Variants in PRKN observed in about 807,000 individuals in gnomAD.
PRKN encodes E3 ubiquitin-protein ligase parkin.
A neutral mutation model predicts 59.5 loss-of-function variants in PRKN; 56 were observed. The ratio of observed to expected loss-of-function variants is 0.94; its 90% CI spans 0.76 to 1.18. The LOEUF is 1.18. PRKN is among the 50% of genes most tolerant of loss of function. PRKN has a pLI of 0.00. For synonymous variants in PRKN, 250 were observed against 222.1 expected, an observed-to-expected ratio of 1.13 and a Z score of -1.12; for missense variants, 657 against 596.4, an observed-to-expected ratio of 1.10 and a Z score of -1.06.
intron 4 of PRKN, among the ~76,000 whole-genome samples, chr6:162,072,923 CA>C (rs1778641084): frequency 6.6e-6 from 1 of 152,110 alleles, no homozygotes; most frequent in Non-Finnish European, 1.5e-5. Context: ...CACAGTAGAA[CA>C]ATATCATCAT....
rs141064599 is a variant in PRKN at position 162,206,174 on chromosome 6, C to T, written c.413-4922G>A. Among the ~76,000 whole-genome samples, 527 of 152,262 alleles carry T rather than the reference C, an allele frequency of 3.5e-3. 3 individuals carry two copies. Among genetic ancestry groups the T allele is most frequent in the African/African-American group, 0.012 (485 of 41,540 alleles). On this transcript the variant is annotated intron_variant, in intron 3 of 11. Transcript: ENST00000366898. ...ACCAAGGGGATCTGTTCTTGAGACG[C>T]ACCTGGACAGCAATGGCTCCATCTC...
chr6:161,617,923 C>T (rs1782755332), intron 7 of PRKN, among the ~76,000 whole-genome samples: 1 of 152,136 alleles, frequency 6.6e-6, no homozygotes, highest in South Asian at 2.1e-4. Context: ...CAATGAATTA[C>T]AACAAAGGAA....
At chr6:161,439,421 T>G (rs958408071) in intron 9 of PRKN, among the ~76,000 whole-genome samples, 1 of 152,092 alleles carries the variant, frequency 6.6e-6, no homozygotes, top group Non-Finnish European at 1.5e-5. Flanking sequence ...GTGGGAGATG[T>G]AGAAATGCAA....
intron 2 of PRKN, among the ~76,000 whole-genome samples, chr6:162,313,581 G>A (rs749561162): frequency 4.6e-5 from 7 of 151,874 alleles, no homozygotes; most frequent in South Asian, 2.1e-4. Flanking sequence ...TCCACCTCCC[G>A]GGTTCAAGCA....
At chr6:161,589,259 G>A (rs535156317) in intron 7 of PRKN, among the ~76,000 whole-genome samples, 23 of 152,190 alleles carry the variant, frequency 1.5e-4, no homozygotes, top group Non-Finnish European at 2.9e-4. Context: ...AGGGTCCACT[G>A]CAGGTCTGCA....
intron 9 of PRKN, among the ~76,000 whole-genome samples, chr6:161,500,774 G>T (rs55694434): frequency 0.037 from 5,664 of 151,730 alleles, 151 homozygotes; most frequent in Non-Finnish European, 0.057. Flanking sequence ...CTGTATGAAG[G>T]TTTAGTTGTA....
At chr6:161,481,762 G>A (rs961196396) in intron 9 of PRKN, among the ~76,000 whole-genome samples, 1 of 152,134 alleles carries the variant, frequency 6.6e-6, no homozygotes, top group Non-Finnish European at 1.5e-5. Flanking sequence ...CACTCTGTTT[G>A]AGCACTTTAT....
chr6:162,302,121 C>T (rs772592269), intron 2 of PRKN, among the ~76,000 whole-genome samples: 4 of 152,072 alleles, frequency 2.6e-5, no homozygotes, highest in East Asian at 1.9e-4. Flanking sequence ...TTACTGATAA[C>T]TCTGTTCAAA....
At chr6:162,657,059 GC>G (rs1778670783) in intron 1 of PRKN, among the ~76,000 whole-genome samples, 1 of 152,176 alleles carries the variant, frequency 6.6e-6, no homozygotes, top group Admixed American at 6.5e-5. Context: ...GAGGACAGGG[GC>G]TAAATATGTG....
At chr6:162,483,802 T>C (rs748383549) in intron 1 of PRKN, among the ~76,000 whole-genome samples, 5 of 152,174 alleles carry the variant, frequency 3.3e-5, no homozygotes, top group Non-Finnish European at 7.3e-5. Flanking sequence ...TGTAGACATA[T>C]GTAAGATGAT....
At chr6:161,739,912 G>C (rs773893990) in intron 7 of PRKN, among the ~76,000 whole-genome samples, 2 of 151,992 alleles carry the variant, frequency 1.3e-5, no homozygotes, top group South Asian at 2.1e-4. Context: ...ACACCACCAC[G>C]CCCAGCTAGT....
At chr6:161,712,878 G>A (rs940707169) in intron 7 of PRKN, among the ~76,000 whole-genome samples, 4 of 152,078 alleles carry the variant, frequency 2.6e-5, no homozygotes, top group Non-Finnish European at 5.9e-5. Context: ...TGGTGGGGGG[G>A]ACTTGCCACA....
In PRKN at chr6:161,360,024, G is replaced by T; in HGVS notation, c.1285+64C>A. The T allele has an allele frequency of 8.3e-7, 1 of 1,206,660 alleles. No individual in the cohort carries two copies. Among genetic ancestry groups the T allele is most frequent in the Non-Finnish European group, 1.2e-6 (1 of 808,524 alleles). 74.7% of individuals were successfully genotyped at this position (1,206,660 alleles called of 1,614,324 possible). A position where few individuals can be genotyped will look rare whatever the true frequency, so the allele number is the denominator to read the frequency against. Reference sequence around the variant, plus strand: ...CATCTCCTTTAATCCTGGAATCCCTGATGGGTATGATTCTCCCCCAAAGAG... The same window carrying T: ...CATCTCCTTTAATCCTGGAATCCCTTATGGGTATGATTCTCCCCCAAAGAG... On this transcript the variant is annotated intron_variant, in intron 11 of 11. Transcript: ENST00000366898. The surrounding 1 kb of genome is among the most constrained non-coding windows in gnomAD (Gnocchi z 5.1).
chr6:162,380,509 G>A lies in PRKN; in HGVS notation c.171+62801C>T, dbSNP rs1326699658. On this transcript the variant is annotated intron_variant, in intron 2 of 11. Coordinates refer to ENST00000366898, the MANE Select transcript of PRKN (RefSeq NM_004562.3). ...TATATATACACACATATATATGTGT[G>A]TATATATATATATATGTATATATAC... Among the ~76,000 whole-genome samples the A allele has an allele frequency of 3.7e-3, 154 of 41,650 alleles. 1 individual carries two copies. Among genetic ancestry groups the A allele is most frequent in the Middle Eastern group, 9.6e-3 (1 of 104 alleles). The allele number at this position is 41,650 out of a possible 152,430, so 27.3% of individuals were successfully genotyped here. A position where few individuals can be genotyped will look rare whatever the true frequency, so the allele number is the denominator to read the frequency against.
At chr6:161,960,113 G>T (rs1336231159) in intron 6 of PRKN, among the ~76,000 whole-genome samples, 1 of 152,150 alleles carries the variant, frequency 6.6e-6, no homozygotes, top group Non-Finnish European at 1.5e-5. Flanking sequence ...GAAAGGGAGG[G>T]CTGTGCTAAC....
At chr6:162,010,135 C>T (rs1782432987) in intron 5 of PRKN, among the ~76,000 whole-genome samples, 1 of 148,412 alleles carries the variant, frequency 6.7e-6, no homozygotes, top group African/African-American at 2.5e-5. Flanking sequence ...ATGTCACTTC[C>T]TCTGGCTCGT....
chr6:162,230,654 A>T (rs1489850634), intron 3 of PRKN, among the ~76,000 whole-genome samples: 1 of 152,192 alleles, frequency 6.6e-6, no homozygotes, highest in African/African-American at 2.4e-5. Flanking sequence ...AATCTACACA[A>T]CTGTGAACAA....
chr6:162,012,355 G>C (rs1415836502), intron 5 of PRKN, among the ~76,000 whole-genome samples: 1 of 151,470 alleles, frequency 6.6e-6, no homozygotes, highest in Non-Finnish European at 1.5e-5. Flanking sequence ...GAGAAAGTAA[G>C]TTAAAAAAGA....
intron 4 of PRKN, among the ~76,000 whole-genome samples, chr6:162,054,398 C>T (rs1337399558): frequency 6.6e-6 from 1 of 152,188 alleles, no homozygotes; most frequent in African/African-American, 2.4e-5. Context: ...TGACATTTTG[C>T]TCCAAACCTG....
Sources: gnomAD v4.1 joint callset for allele counts (sites outside exome capture counted in the v4.1 genomes callset) on GRCh38, gnomAD v4.1.1 for gene constraint, Gnocchi (gnomAD v3.1) non-coding constraint, MANE v1.5 for transcripts, NCBI Gene and HGNC (gene_info 2026-07-23, HGNC 2026-07-21) for gene names.